PREX1: variants seen among roughly 807,000 people sequenced by gnomAD.
PREX1 encodes phosphatidylinositol 3,4,5-trisphosphate-dependent Rac exchanger 1 protein.
In PREX1, 41 loss-of-function variants were observed where a neutral mutation model predicts 198.3. The observed-to-expected ratio is 0.21, with a 90% CI of 0.16 to 0.27. The LOEUF (loss-of-function observed/expected upper bound fraction) is 0.27. Among genes scored for constraint, PREX1 ranks in the 10% least tolerant of loss-of-function variants. PREX1 has a pLI of 1.00. For synonymous variants in PREX1, 843 were observed against 887.2 expected (o/e 0.95, Z 0.89); for missense variants, 1,620 against 2,200.7 (o/e 0.74, Z 5.28).
intron 10 of PREX1, among the ~76,000 whole-genome samples, chr20:48,681,729 C>A (rs2089752969): frequency 1.4e-5 from 2 of 141,026 alleles, no homozygotes; most frequent in Admixed American, 1.4e-4. Flanking sequence ...TCCGGCCAGA[C>A]AGACAGCCAG....
rs1348460338 is a variant in PREX1, at chr20:48,625,574, T to C, written c.*311A>G. On this transcript the variant is annotated 3_prime_UTR_variant, in exon 40 of 40. Coordinates refer to ENST00000371941, the MANE Select transcript of PREX1 (RefSeq NM_020820.4). ...CCATGTGGCCTCCATGACGTTCCCT[T>C]GGGTTCTGGGGACGCAGGAGCCGAA... 2.9e-6 allele frequency: 1 copy of C among 339,934 alleles called. No homozygotes were observed. 21.1% of individuals were successfully genotyped at this position (339,934 alleles called of 1,614,324 possible).
At chr20:48,674,797 G>A (rs145758579) in intron 14 of PREX1, among the ~76,000 whole-genome samples, 3 of 152,314 alleles carry the variant, frequency 2.0e-5, no homozygotes, top group Non-Finnish European at 1.5e-5. Flanking sequence ...CACCTGAATG[G>A]AGCAAACACC....
chr20:48,716,617 C>T (rs2089963663), intron 5 of PREX1, among the ~76,000 whole-genome samples: 1 of 152,184 alleles, frequency 6.6e-6, no homozygotes, highest in Admixed American at 6.5e-5. Context: ...CTACTGCTTC[C>T]ACCTGCTCCT....
In PREX1 at chr20:48,734,512, G is replaced by A. The variant is rs774096620; in HGVS notation, c.519+34C>T. 4.4e-6 allele frequency: 7 copies of A among 1,574,564 alleles called. No homozygotes were observed. In the East Asian group the frequency reaches 6.7e-5, roughly 15 times the overall value. ...AGATTCCACAAGGATGAGGCCGAGT[G>A]CAAGGGAGCACCAGGGCTGACGGGT... On this transcript the variant is annotated intron_variant, in intron 4 of 39. Coordinates refer to ENST00000371941, the MANE Select transcript of PREX1 (RefSeq NM_020820.4).
At chr20:48,760,316 GT>G (rs1458707414) in intron 1 of PREX1, among the ~76,000 whole-genome samples, 1 of 151,986 alleles carries the variant, frequency 6.6e-6, no homozygotes, top group Non-Finnish European at 1.5e-5. Context: ...ATTTTTATTA[GT>G]TTTTTCCATC....
chr20:48,872,544 G>C, the PREX1 span, among the ~76,000 whole-genome samples: 1 of 152,224 alleles, frequency 6.6e-6, no homozygotes, highest in Admixed American at 6.5e-5. Flanking sequence ...AGGAGTTCAA[G>C]AGCAGCCTGG....
chr20:48,742,046 A>G (rs1018806087), intron 3 of PREX1, among the ~76,000 whole-genome samples: 1 of 152,176 alleles, frequency 6.6e-6, no homozygotes, highest in African/African-American at 2.4e-5. Flanking sequence ...CTGTTGGCTC[A>G]GGGGAGAACC....
intron 1 of PREX1, among the ~76,000 whole-genome samples, chr20:48,765,880 G>A (rs2122859541): frequency 6.6e-6 from 1 of 152,294 alleles, no homozygotes; most frequent in Non-Finnish European, 1.5e-5. Context: ...AGCTTCATCT[G>A]TATTTAGAGC....
At chr20:48,758,917 G>A (rs1238218006) in intron 1 of PREX1, among the ~76,000 whole-genome samples, 1 of 152,100 alleles carries the variant, frequency 6.6e-6, no homozygotes, top group Non-Finnish European at 1.5e-5. Context: ...CTGAATCCAG[G>A]CTGCATCTGC....
In PREX1 at chr20:48,642,440, C is replaced by T. The variant is rs2089421869; in HGVS notation, c.3651G>A (p.Lys1217=). 2.5e-6 allele frequency: 4 copies of T among 1,613,640 alleles called. No individual in the cohort carries two copies. The highest frequency in any genetic ancestry group is 4.5e-5 in the East Asian group (2 of 44,854). Residue 1217 remains lysine, a synonymous_variant, in exon 28 of 40, where the codon AAG becomes AAA. Coordinates refer to ENST00000371941, the MANE Select transcript of PREX1 (RefSeq NM_020820.4). ...DMRIPSDKQD[K]LHGCLEHLFN... ...AGAGGTGCTCCAGGCAGCCATGAAG[C>T]TTGTCCTGCTTGTCAGATGGGATCC... is the stretch of plus-strand genomic sequence containing the variant.
the PREX1 span, among the ~76,000 whole-genome samples, chr20:48,881,640 C>T: frequency 1.8e-4 from 27 of 152,126 alleles, no homozygotes; most frequent in East Asian, 9.6e-4. Context: ...GCACCTGCCA[C>T]GACGCCCAGC....
At position 48,708,349 on chromosome 20, in the gene PREX1, T is replaced by C. The variant is rs756442296; in HGVS notation, c.694A>G (p.Thr232Ala). 3.1e-6 allele frequency: 5 copies of C among 1,614,038 alleles called. No individual in the cohort carries two copies. The highest frequency in any genetic ancestry group is 4.2e-6 in the Non-Finnish European group (5 of 1,180,010). Residue 232 changes from threonine to alanine, a missense_variant, in exon 6 of 40, where the codon ACC becomes GCC. Physicochemically the swap from Thr to Ala is moderately conservative, Grantham distance 58. This residue lies in a region of PREX1 where 488 missense variants were observed against 802.5 expected (regional missense o/e 0.61). Coordinates refer to ENST00000371941, the MANE Select transcript of PREX1 (RefSeq NM_020820.4). The part of the protein sequence containing the change: ...AVQSALQAMK[T>A]VCSNINETKR... Reference sequence around the variant, plus strand: ...GTCTCATTGATGTTGGAGCAAACGGTCTTCATGGCCTGCAGGGCACTCTGG... The same window carrying C: ...GTCTCATTGATGTTGGAGCAAACGGCCTTCATGGCCTGCAGGGCACTCTGG...
At chr20:48,879,343 T>A in the PREX1 span, among the ~76,000 whole-genome samples, 1 of 152,228 alleles carries the variant, frequency 6.6e-6, no homozygotes, top group African/African-American at 2.4e-5. Context: ...TTATCTATAA[T>A]CAAAGCTGGT....
Position 48,666,354 on chromosome 20 carries a change from C to T in PREX1, c.1667G>A (p.Gly556Glu). 1 of 1,558,504 alleles carries T rather than the reference C, an allele frequency of 6.4e-7. No homozygotes were observed. Among genetic ancestry groups the T allele is most frequent in the Non-Finnish European group, 8.7e-7 (1 of 1,152,106 alleles). The change falls in exon 15 of 40, where the codon GGA becomes GAA. Residue 556 changes from glycine to glutamate, a missense_variant and splice_region_variant. Physicochemically the swap from Gly to Glu is moderately conservative, Grantham distance 98. Coordinates refer to ENST00000371941, the MANE Select transcript of PREX1 (RefSeq NM_020820.4). This position sits in a 1 kb window ranked among gnomAD's most constrained non-coding sequence, Gnocchi z 4.3. ...SKLVDWLLAQ[G>E]DCQTREEAVA... Reference sequence around the variant, plus strand: ...TGCCTCCTCCCGAGTCTGGCAGTCTCCCTGGAATGGAACAAGAAGGGGAGG... The same window carrying T: ...TGCCTCCTCCCGAGTCTGGCAGTCTTCCTGGAATGGAACAAGAAGGGGAGG...
Position 48,823,207 on chromosome 20 carries a change from G to A in PREX1, c.219+4435C>T, listed in dbSNP as rs542703659. ...TCTATAGCTCTCTGTCCTCAGCCACGGGGAGACCTTCGAGGAGCTGCTGAC... is the reference window on the plus strand; with the variant it reads ...TCTATAGCTCTCTGTCCTCAGCCACAGGGAGACCTTCGAGGAGCTGCTGAC... On this transcript the variant is annotated intron_variant, in intron 1 of 39. Coordinates refer to ENST00000371941, the MANE Select transcript of PREX1 (RefSeq NM_020820.4). Among the ~76,000 whole-genome samples the A allele has an allele frequency of 3.4e-4, 51 of 152,216 alleles. No homozygotes were observed. The South Asian group carries it at 1.0e-2, about 30-fold the overall frequency.
chr20:48,768,167 C>T (rs1263691072), intron 1 of PREX1, among the ~76,000 whole-genome samples: 1 of 152,178 alleles, frequency 6.6e-6, no homozygotes, highest in Non-Finnish European at 1.5e-5. Flanking sequence ...GTAAAAGCCT[C>T]TATCTCTCAG....
chr20:48,697,845 A>G lies in PREX1; in HGVS notation c.917+2908T>C, dbSNP rs561049406. Among the ~76,000 whole-genome samples the G allele has an allele frequency of 2.6e-5, 4 of 152,314 alleles. No individual in the cohort carries two copies. The East Asian group carries it at 7.7e-4, about 29-fold the overall frequency. On this transcript the variant is annotated intron_variant, in intron 7 of 39. Transcript: ENST00000371941. ...TCCCGTTTTCCACTTCTGACACCCA[A>G]GGAGCCTCTGCTTTTGAATTCGCCC...
intron 1 of PREX1, among the ~76,000 whole-genome samples, chr20:48,788,030 C>T (rs1308376461): frequency 6.6e-6 from 1 of 152,174 alleles, no homozygotes; most frequent in East Asian, 1.9e-4. Context: ...GAGATTAACG[C>T]ACCCAGGAAT....
chr20:48,727,027 A>C (rs1356987615), intron 4 of PREX1, among the ~76,000 whole-genome samples: 5 of 152,240 alleles, frequency 3.3e-5, no homozygotes, highest in Non-Finnish European at 5.9e-5. Context: ...CCACTTACAG[A>C]GATCTTTTAA....
Sources: allele counts gnomAD v4.1 joint callset (sites outside exome capture counted in the v4.1 genomes callset), GRCh38; gene constraint gnomAD v4.1.1; regional missense constraint gnomAD v4.1.1; non-coding constraint Gnocchi (gnomAD v3.1); transcripts MANE v1.5; gene names NCBI Gene and HGNC (gene_info 2026-07-23, HGNC 2026-07-21).